Variants in DOCK9 observed in about 807,000 individuals in gnomAD.
The protein encoded by DOCK9 is dedicator of cytokinesis 9.
DOCK9 carries 89 observed loss-of-function variants against 263.3 expected under a neutral mutation model. The observed-to-expected ratio is 0.34, with a 90% CI of 0.28 to 0.40. The LOEUF is 0.40. Ranked by LOEUF, DOCK9 falls within the 10% of genes least tolerant of loss-of-function variation. The pLI is 1.00. For synonymous variants in DOCK9, 976 were observed against 973.1 expected (o/e 1.00, Z -0.06); for missense variants, 2,140 against 2,603.4 (o/e 0.82, Z 3.87).
intron 1 of DOCK9, among the ~76,000 whole-genome samples, chr13:99,068,067 G>A (rs1214010907): frequency 1.3e-5 from 2 of 151,988 alleles, no homozygotes; most frequent in African/African-American, 4.8e-5. Flanking sequence ...TCCTGCCCCA[G>A]CATTGATACT....
intron 34 of DOCK9, among the ~76,000 whole-genome samples, chr13:98,854,131 C>A (rs1416047906): frequency 6.6e-6 from 1 of 152,026 alleles, no homozygotes; most frequent in Non-Finnish European, 1.5e-5. Flanking sequence ...CTGATGAGGT[C>A]ACTCCCTCAT....
intron 9 of DOCK9, 109 bp downstream of exon 9, chr13:98,914,219 C>T: frequency 1.1e-6 from 1 of 927,402 alleles, no homozygotes; most frequent in Non-Finnish European, 1.6e-6. Context: ...GAGAGGTAAT[C>T]ACAATGTAAT....
intron 1 of DOCK9, among the ~76,000 whole-genome samples, chr13:99,020,089 G>A (rs1885900043): frequency 6.6e-6 from 1 of 152,134 alleles, no homozygotes; most frequent in African/African-American, 2.4e-5. Flanking sequence ...GTGATAGAGT[G>A]AGACTCCGTC....
intron 1 of DOCK9, among the ~76,000 whole-genome samples, chr13:98,999,316 A>ACACACACACACTCTCT: frequency 0.025 from 3,496 of 138,244 alleles, 71 homozygotes; most frequent in African/African-American, 0.047. Flanking sequence ...ACACACACAC[A>ACACACACACACTCTCT]CTCTCTCTCT....
intron 49 of DOCK9, among the ~76,000 whole-genome samples, chr13:98,804,249 A>G (rs1185615631): frequency 6.6e-6 from 1 of 152,210 alleles, no homozygotes; most frequent in Non-Finnish European, 1.5e-5. Context: ...TGGTCAAGAA[A>G]GCATTTTATG....
chr13:98,810,039 G>A (rs984227903), intron 46 of DOCK9, 130 bp downstream of exon 46: 7 of 1,292,948 alleles, frequency 5.4e-6, no homozygotes, highest in African/African-American at 2.9e-5. Flanking sequence ...TCAGCGTAAC[G>A]TGGAGGGTCA....
chr13:98,993,007 AAGCAGCACCCCC>A (rs1329689227), intron 1 of DOCK9, among the ~76,000 whole-genome samples: 1 of 152,204 alleles, frequency 6.6e-6, no homozygotes, highest in Non-Finnish European at 1.5e-5. Flanking sequence ...ACTTTAGATG[AAGCAGCACCCCC>A]AGCATGGCAA....
chr13:98,911,519 A>G (rs1340226212), intron 9 of DOCK9, among the ~76,000 whole-genome samples: 1 of 152,218 alleles, frequency 6.6e-6, no homozygotes, highest in Non-Finnish European at 1.5e-5. Context: ...CAAGACACAC[A>G]TACACACTAT....
chr13:98,976,535 A>G (rs2060295522), intron 1 of DOCK9, among the ~76,000 whole-genome samples: 1 of 152,262 alleles, frequency 6.6e-6, no homozygotes, highest in Non-Finnish European at 1.5e-5. Context: ...CCTCCAAGAA[A>G]TCCTAAGTTA....
chr13:98,908,906 T>C (rs965679781), intron 9 of DOCK9, among the ~76,000 whole-genome samples: 4 of 152,216 alleles, frequency 2.6e-5, no homozygotes, highest in Admixed American at 1.3e-4. Context: ...ACTTTCACAA[T>C]CTAAGAGTGG....
In DOCK9 at chr13:98,920,376, C is replaced by A. The variant is rs552161708; in HGVS notation, c.717+578G>T. 4.6e-5 allele frequency among the ~76,000 whole-genome samples: 7 copies of A among 152,308 alleles called. No homozygotes were observed. In the South Asian group the frequency reaches 1.0e-3, roughly 23 times the overall value. On this transcript the variant is annotated intron_variant, in intron 7 of 52. Transcript: ENST00000682017. ...TGTTGGCACTGTTCTAAGCTTTTTA[C>A]ATGTGTAATGAATGAACCCTCTCAG...
At chr13:98,986,209 G>A (rs780943527) in intron 1 of DOCK9, among the ~76,000 whole-genome samples, 10 of 152,226 alleles carry the variant, frequency 6.6e-5, no homozygotes, top group Admixed American at 3.9e-4. Context: ...CCTTATATTT[G>A]TATGTTAAAC....
intron 11 of DOCK9, 86 bp downstream of exon 11, chr13:98,902,886 T>C (rs918120088): frequency 3.2e-6 from 4 of 1,267,006 alleles, no homozygotes; most frequent in Non-Finnish European, 4.2e-6. Flanking sequence ...GGGACTAGGA[T>C]TTCTTATCCA....
intron 39 of DOCK9, 125 bp from the exon 40 acceptor site, chr13:98,831,911 C>G: frequency 2.6e-6 from 3 of 1,163,530 alleles, no homozygotes; most frequent in Non-Finnish European, 1.2e-6. Flanking sequence ...ACAAACTCTG[C>G]CTTGAATCCT....
intron 44 of DOCK9, among the ~76,000 whole-genome samples, chr13:98,826,390 G>T (rs1317355541): frequency 1.3e-5 from 2 of 152,198 alleles, no homozygotes; most frequent in African/African-American, 4.8e-5. Context: ...CTTCCTCTGG[G>T]AGATAAGGTT....
intron 37 of DOCK9, chr13:98,846,753 T>G: frequency 2.7e-6 from 1 of 367,298 alleles, no homozygotes; most frequent in Non-Finnish European, 5.3e-6. Flanking sequence ...GCATGGACTA[T>G]CATCGACTGC....
At chr13:98,861,471 T>G (rs2093868824) in intron 32 of DOCK9, among the ~76,000 whole-genome samples, 1 of 152,184 alleles carries the variant, frequency 6.6e-6, no homozygotes, top group African/African-American at 2.4e-5. Flanking sequence ...CTGCTGAAAT[T>G]CATAGCAGAT....
rs551309590 is a variant in DOCK9, at chr13:99,008,576, T to C, written c.130-53025A>G. On this transcript the variant is annotated intron_variant, in intron 1 of 32. Coordinates refer to the DOCK9 transcript ENST00000427887. ...AAGCAAGATACAAGACTATATAACATAACAACATTCTTCTTATACTCTACT... is the reference window on the plus strand; with the variant it reads ...AAGCAAGATACAAGACTATATAACACAACAACATTCTTCTTATACTCTACT... Among the ~76,000 whole-genome samples, 5 of 152,236 alleles carry C rather than the reference T, an allele frequency of 3.3e-5. No individual in the cohort carries two copies. In the South Asian group the frequency reaches 1.0e-3, roughly 32 times the overall value.
intron 1 of DOCK9, among the ~76,000 whole-genome samples, chr13:99,067,711 A>G (rs2041482846): frequency 6.6e-6 from 1 of 152,210 alleles, no homozygotes; most frequent in African/African-American, 2.4e-5. Context: ...TAGTATGGGT[A>G]AAATACCATT....
Sources: allele counts gnomAD v4.1 joint callset (sites outside exome capture counted in the v4.1 genomes callset), GRCh38; gene constraint gnomAD v4.1.1; transcripts MANE v1.5; gene names NCBI Gene and HGNC (gene_info 2026-07-23, HGNC 2026-07-21).